The following KDM2B variants were observed in gnomAD, a reference collection of about 807,000 sequenced individuals.
KDM2B encodes lysine demethylase 2B, also known as lysine-specific demethylase 2B.
Under a neutral mutation model 150.0 loss-of-function variants are expected in KDM2B, and 26 were observed. That is an observed-to-expected ratio of 0.17 (90% confidence interval 0.13 to 0.24). KDM2B has a LOEUF of 0.24. Among genes scored for constraint, KDM2B ranks in the 10% least tolerant of loss-of-function variants. KDM2B has a pLI of 1.00. For synonymous variants in KDM2B, 734 were observed against 729.5 expected (o/e 1.01, Z -0.10); for missense variants, 1,265 against 1,816.9 (o/e 0.70, Z 5.52).
At chr12:121,427,763 A>G (rs1315181488), downstream of KDM2B, among the ~76,000 whole-genome samples, 1 of 152,194 alleles carries the variant, frequency 6.6e-6, no homozygotes, top group East Asian at 1.9e-4. Flanking sequence ...TGTGTGCTCC[A>G]GGAACCCTTA....
intron 1 of KDM2B, chr12:121,580,199 AAC>A: frequency 6.8e-7 from 1 of 1,461,496 alleles, no homozygotes; most frequent in East Asian, 2.5e-5. Context: ...GTTTTGCACC[AAC>A]ACTTAGGCAG....
intron 12 of KDM2B, among the ~76,000 whole-genome samples, chr12:121,466,411 G>C (rs1384005127): frequency 1.3e-5 from 2 of 152,256 alleles, no homozygotes; most frequent in East Asian, 3.9e-4. Flanking sequence ...CACACCCAGG[G>C]CTTTGTTTTA....
At position 121,516,921 on chromosome 12, in the gene KDM2B, A is replaced by C. The variant is rs77614926; in HGVS notation, c.1048-3519T>G. The C allele has an allele frequency of 8.4e-4, 552 of 658,096 alleles. 2 individuals are homozygous for C. Among genetic ancestry groups the C allele is most frequent in the African/African-American group, 8.3e-3 (452 of 54,288 alleles). 40.8% of individuals were successfully genotyped at this position (658,096 alleles called of 1,614,324 possible). Reference sequence around the variant, plus strand: ...AAAAAAAAGTCCAATGGTAGGGGGAAGGGGAGAGGGAAGGTAAATTATTTG... The same window carrying C: ...AAAAAAAAGTCCAATGGTAGGGGGACGGGGAGAGGGAAGGTAAATTATTTG... On this transcript the variant is annotated intron_variant, in intron 9 of 22. Coordinates refer to ENST00000377071, the MANE Select transcript of KDM2B (RefSeq NM_032590.5).
chr12:121,458,912 CCT>C (rs1878695567), intron 12 of KDM2B, among the ~76,000 whole-genome samples: 1 of 151,762 alleles, frequency 6.6e-6, no homozygotes, highest in Admixed American at 6.6e-5. Context: ...CTGGTGAAAC[CCT>C]GTCTCTACTA....
Position 121,440,018 on chromosome 12 carries a change from A to G in KDM2B, c.3668T>C (p.Leu1223Pro), listed in dbSNP as rs1555287817. ...CCGCAGGGAGGCATCTGTGATGTCC[A>G]GGCCTGCCAGGCGCAGCTCCACGAT... ...RNIVELRLAG[L>P]DITDASLRLI... The change falls in exon 22 of 23, where the codon CTG becomes CCG. Residue 1223 changes from leucine to proline, a missense_variant. Physicochemically the swap from Leu to Pro is moderately conservative, Grantham distance 98 (BLOSUM62 -3). Coordinates refer to ENST00000377071, the MANE Select transcript of KDM2B (RefSeq NM_032590.5). The G allele has an allele frequency of 6.2e-7, 1 of 1,613,910 alleles. No homozygotes were observed. Among genetic ancestry groups the G allele is most frequent in the Non-Finnish European group, 8.5e-7 (1 of 1,179,960 alleles).
At chr12:121,447,059 TA>T (rs1209058859) in intron 13 of KDM2B, among the ~76,000 whole-genome samples, 27 of 151,916 alleles carry the variant, frequency 1.8e-4, no homozygotes, top group Non-Finnish European at 2.8e-4. Context: ...AACTAAACTT[TA>T]AAAAAAACTG....
chr12:121,439,688 C>T (rs1555287662), intron 22 of KDM2B, among the ~76,000 whole-genome samples, 169 bp downstream of exon 22: 1 of 152,182 alleles, frequency 6.6e-6, no homozygotes, highest in East Asian at 1.9e-4. Context: ...CCAACAGTAA[C>T]TCTTTGTTTA....
chr12:121,423,605 C>A, the KDM2B span: 1 of 1,592,362 alleles, frequency 6.3e-7, no homozygotes, highest in South Asian at 1.1e-5. The surrounding 1 kb of genome is among the most constrained non-coding windows in gnomAD (Gnocchi z 4.3). Flanking sequence ...GGACAGTCAC[C>A]CCCAAACTTG....
chr12:121,447,156 G>C (rs1476324581), intron 13 of KDM2B, among the ~76,000 whole-genome samples: 1 of 152,106 alleles, frequency 6.6e-6, no homozygotes, highest in African/African-American at 2.4e-5. Flanking sequence ...GTATATATCT[G>C]TGTGAGGCAA....
intron 8 of KDM2B, among the ~76,000 whole-genome samples, chr12:121,527,461 G>A (rs1887243445): frequency 6.8e-6 from 1 of 146,344 alleles, no homozygotes; most frequent in African/African-American, 2.5e-5. Flanking sequence ...GACCATCCTG[G>A]CTAACACGGT....
the KDM2B span, among the ~76,000 whole-genome samples, chr12:121,408,462 AAAAT>A: frequency 2.0e-5 from 3 of 151,952 alleles, no homozygotes; most frequent in Non-Finnish European, 2.9e-5. Flanking sequence ...AATAAAAATA[AAAAT>A]AAATAAAAAC....
intron 13 of KDM2B, among the ~76,000 whole-genome samples, chr12:121,451,605 C>G (rs529676326): frequency 6.6e-6 from 1 of 152,294 alleles, no homozygotes; most frequent in East Asian, 1.9e-4. Context: ...TGTCCATCAA[C>G]AGATGAATGG....
At chr12:121,436,243 C>T (rs923909275) in intron 22 of KDM2B, among the ~76,000 whole-genome samples, 4 of 152,176 alleles carry the variant, frequency 2.6e-5, no homozygotes, top group African/African-American at 4.8e-5. Context: ...AAGTTGTGGC[C>T]GGACGCGGTG....
At chr12:121,503,362 C>A (rs1394633993) in intron 11 of KDM2B, among the ~76,000 whole-genome samples, 6 of 151,850 alleles carry the variant, frequency 4.0e-5, no homozygotes, top group African/African-American at 1.2e-4. Flanking sequence ...GCCATCACAG[C>A]TCACTGCAGC....
intron 22 of KDM2B, among the ~76,000 whole-genome samples, chr12:121,439,250 C>T (rs1441804934): frequency 2.6e-5 from 4 of 152,122 alleles, no homozygotes; most frequent in Admixed American, 1.3e-4. Context: ...TGTCAGGCAC[C>T]GGCTCTTCTG....
intron 22 of KDM2B, among the ~76,000 whole-genome samples, chr12:121,433,395 A>C (rs573341319): frequency 6.6e-6 from 1 of 152,148 alleles, no homozygotes; most frequent in African/African-American, 2.4e-5. Flanking sequence ...TCCGCCTTTA[A>C]ACATTTTAGA....
At chr12:121,562,177 GA>G (rs1158916476) in intron 4 of KDM2B, among the ~76,000 whole-genome samples, 9 of 147,734 alleles carry the variant, frequency 6.1e-5, no homozygotes, top group East Asian at 2.0e-4. Context: ...CTGTCTTGGG[GA>G]AAAAAAAAAC....
chr12:121,444,139 C>T lies in KDM2B; in HGVS notation c.2324G>A (p.Arg775Gln), dbSNP rs191798987. The T allele has an allele frequency of 1.9e-5, 30 of 1,612,820 alleles. No individual in the cohort carries two copies. Among genetic ancestry groups the T allele is most frequent in the African/African-American group, 1.6e-4 (12 of 75,078 alleles). Residue 775 changes from arginine to glutamine, a missense_variant, in exon 16 of 23, where the codon CGG (arginine) becomes CAG (glutamine). Transcript: ENST00000377071. The stretch of plus-strand genomic sequence containing the variant: ...CTTCGAGTGCTCATCCGACCTGCGC[C>T]GGGGCGCCTCCTCACACTCACTCCT... ...KRRSECEEAP[R>Q]RRSDEHSKKV...
At chr12:121,456,287 C>T (rs782310278) in intron 12 of KDM2B, among the ~76,000 whole-genome samples, 5 of 152,182 alleles carry the variant, frequency 3.3e-5, no homozygotes, top group African/African-American at 4.8e-5. Context: ...TGCCTCAGTG[C>T]GAAGGGTGCC....
Sources: allele counts gnomAD v4.1 joint callset (sites outside exome capture counted in the v4.1 genomes callset), GRCh38; gene constraint gnomAD v4.1.1; non-coding constraint Gnocchi (gnomAD v3.1); transcripts MANE v1.5; gene names NCBI Gene and HGNC (gene_info 2026-07-23, HGNC 2026-07-21).